TRAPPC9: variants seen among roughly 807,000 people sequenced by gnomAD.
TRAPPC9 encodes trafficking protein particle complex subunit 9.
TRAPPC9 carries 83 observed loss-of-function variants against 124.0 expected under a neutral mutation model. The observed-to-expected ratio is 0.67, with a 90% CI of 0.56 to 0.80. The LOEUF (loss-of-function observed/expected upper bound fraction) is 0.80, where lower values mean the gene tolerates loss of function less well. TRAPPC9 is among the 30% of genes least tolerant of loss of function. The pLI is 0.00. For synonymous variants in TRAPPC9, 638 were observed against 617.5 expected, an observed-to-expected ratio of 1.03 and a Z score of -0.49; for missense variants, 1,302 against 1,508.3, an observed-to-expected ratio of 0.86 and a Z score of 2.27.
intron 10 of TRAPPC9, among the ~76,000 whole-genome samples, chr8:140,310,366 A>T (rs867293003): frequency 6.6e-6 from 1 of 152,190 alleles, no homozygotes; most frequent in Non-Finnish European, 1.5e-5. Flanking sequence ...GATACTTAGC[A>T]TCTTCATCAC....
At chr8:139,834,954 C>T (rs1826237623) in intron 21 of TRAPPC9, among the ~76,000 whole-genome samples, 1 of 152,184 alleles carries the variant, frequency 6.6e-6, no homozygotes, top group Admixed American at 6.5e-5. Context: ...CGATTTCTAT[C>T]CCACCTGTTG....
Position 139,788,673 on chromosome 8 carries a change from T to G in TRAPPC9, c.3056-56471A>C, listed in dbSNP as rs1435075324. ...CACACGCTTTGTTCTCCCACCTCCC[T>G]CCTGACGGCCACGCAGAGTCGAGTT... On this transcript the variant is annotated intron_variant, in intron 21 of 22. Coordinates refer to ENST00000438773, the MANE Select transcript of TRAPPC9 (RefSeq NM_001160372.4). The surrounding 1 kb of genome is among the most constrained non-coding windows in gnomAD (Gnocchi z 4.9). Among the ~76,000 whole-genome samples the G allele has an allele frequency of 6.6e-6, 1 of 151,752 alleles. No individual in the cohort carries two copies. Among genetic ancestry groups the G allele is most frequent in the African/African-American group, 2.4e-5 (1 of 41,366 alleles).
At chr8:139,889,729 C>T (rs1231077742) in intron 20 of TRAPPC9, among the ~76,000 whole-genome samples, 1 of 152,222 alleles carries the variant, frequency 6.6e-6, no homozygotes, top group Non-Finnish European at 1.5e-5. Flanking sequence ...TAATCAGGAA[C>T]AGAGAACTGA....
At chr8:140,071,759 G>A (rs554568330) in intron 17 of TRAPPC9, among the ~76,000 whole-genome samples, 9 of 152,274 alleles carry the variant, frequency 5.9e-5, no homozygotes, top group African/African-American at 1.4e-4. Context: ...CAGATACCAC[G>A]CTCTGGCTCA....
chr8:140,023,180 C>T (rs140660456), intron 18 of TRAPPC9, among the ~76,000 whole-genome samples: 41 of 152,304 alleles, frequency 2.7e-4, no homozygotes, highest in Admixed American at 6.5e-4. Flanking sequence ...ACCTGCTTCC[C>T]GAAGGCTGCT....
chr8:140,163,299 G>A (rs753877808), intron 17 of TRAPPC9, among the ~76,000 whole-genome samples: 9 of 152,142 alleles, frequency 5.9e-5, no homozygotes, highest in Non-Finnish European at 1.3e-4. Flanking sequence ...TTCTAACTTG[G>A]GCTGTGAGTG....
rs149156017 is a variant in TRAPPC9, at chr8:140,078,336, C to T, written c.2557-54257G>A. 2.4e-3 allele frequency among the ~76,000 whole-genome samples: 366 copies of T among 152,292 alleles called. 1 individual carries two copies. Among genetic ancestry groups the T allele is most frequent in the African/African-American group, 8.3e-3 (346 of 41,546 alleles). On this transcript the variant is annotated intron_variant, in intron 17 of 22. Coordinates refer to ENST00000438773, the MANE Select transcript of TRAPPC9 (RefSeq NM_001160372.4). ...TGTTATGCTGAGAGAAGGTAAGTCA[C>T]GCAGGAGTGGCTGGACTCAAGTTCA...
At chr8:140,096,054 T>C (rs1297967831) in intron 17 of TRAPPC9, 1 of 152,202 alleles carries the variant, frequency 6.6e-6, no homozygotes, top group African/African-American at 2.4e-5. Context: ...AGGGCGCACA[T>C]TCCACCTAGT....
At chr8:139,751,163 C>A (rs1403659417) in intron 21 of TRAPPC9, among the ~76,000 whole-genome samples, 1 of 152,224 alleles carries the variant, frequency 6.6e-6, no homozygotes, top group Non-Finnish European at 1.5e-5. Context: ...ACATAGTCAG[C>A]CCACCCAGCC....
At chr8:140,117,408 T>C (rs1388472542) in intron 17 of TRAPPC9, among the ~76,000 whole-genome samples, 1 of 152,136 alleles carries the variant, frequency 6.6e-6, no homozygotes, top group Non-Finnish European at 1.5e-5. Context: ...AGATCAAGGC[T>C]TTAGCAGGTG....
chr8:140,138,965 G>A (rs1473527263), intron 17 of TRAPPC9, among the ~76,000 whole-genome samples: 1 of 152,070 alleles, frequency 6.6e-6, no homozygotes, highest in African/African-American at 2.4e-5. Flanking sequence ...GGCTGTGCTC[G>A]GTCAGAGTCA....
At chr8:140,269,599 T>G (rs116804639) in intron 15 of TRAPPC9, among the ~76,000 whole-genome samples, 9,722 of 151,602 alleles carry the variant, frequency 0.064, 434 homozygotes, top group Admixed American at 0.092. Context: ...TAAGATGGAT[T>G]AAAGGATGGA....
At chr8:139,974,888 G>C (rs1244264874) in intron 19 of TRAPPC9, among the ~76,000 whole-genome samples, 3 of 152,026 alleles carry the variant, frequency 2.0e-5, no homozygotes, top group Non-Finnish European at 4.4e-5. Flanking sequence ...TTCCCCAGGG[G>C]CTGTAGCTCT....
intron 21 of TRAPPC9, among the ~76,000 whole-genome samples, chr8:139,792,060 G>A (rs945795528): frequency 3.3e-5 from 5 of 152,148 alleles, no homozygotes; most frequent in African/African-American, 4.8e-5. Context: ...CTTGCCCGCC[G>A]CCTGCCGCCT....
chr8:140,116,148 G>GT (rs758790710), intron 17 of TRAPPC9, among the ~76,000 whole-genome samples: 4 of 152,108 alleles, frequency 2.6e-5, no homozygotes, highest in African/African-American at 4.8e-5. Flanking sequence ...CAGGGGCAGG[G>GT]TGTGTGTCTG....
Position 140,382,175 on chromosome 8 carries a change from G to A in TRAPPC9, c.1135-10995C>T, listed in dbSNP as rs564822574. The stretch of plus-strand genomic sequence containing the variant: ...ATGAAGTGGCGGTTCCAAGATGGCC[G>A]AATAGGAACAGCTCCAGTCTACAGC... On this transcript the variant is annotated intron_variant, in intron 7 of 22. Coordinates refer to ENST00000438773, the MANE Select transcript of TRAPPC9 (RefSeq NM_001160372.4). Among the ~76,000 whole-genome samples the A allele has an allele frequency of 1.3e-3, 199 of 152,322 alleles. 1 individual carries two copies. Among genetic ancestry groups the A allele is most frequent in the African/African-American group, 4.4e-3 (182 of 41,562 alleles).
At chr8:140,443,230 T>C (rs529236279) in intron 2 of TRAPPC9, among the ~76,000 whole-genome samples, 75 of 140,150 alleles carry the variant, frequency 5.4e-4, no homozygotes, top group East Asian at 1.1e-3. Context: ...AGTCAGGAGA[T>C]CGAGACCATC....
chr8:140,303,059 C>T (rs761955393), intron 10 of TRAPPC9, among the ~76,000 whole-genome samples: 23 of 152,172 alleles, frequency 1.5e-4, no homozygotes, highest in Non-Finnish European at 2.5e-4. Flanking sequence ...GTCCGAAGCA[C>T]GACCCTGAAT....
intron 21 of TRAPPC9, among the ~76,000 whole-genome samples, chr8:139,884,858 C>A (rs969764707): frequency 6.6e-6 from 1 of 152,228 alleles, no homozygotes; most frequent in African/African-American, 2.4e-5. Context: ...ACGGTGCCCA[C>A]CTGGTCCCGA....
Sources: allele counts gnomAD v4.1 joint callset (sites outside exome capture counted in the v4.1 genomes callset), GRCh38; gene constraint gnomAD v4.1.1; non-coding constraint Gnocchi (gnomAD v3.1); transcripts MANE v1.5; gene names NCBI Gene and HGNC (gene_info 2026-07-23, HGNC 2026-07-21).